CCDC186: variants seen among roughly 807,000 people sequenced by gnomAD.
CCDC186 encodes coiled-coil domain containing 186, also known as coiled-coil domain-containing protein 186.
A neutral mutation model predicts 113.7 loss-of-function variants in CCDC186; 49 were observed. The observed-to-expected ratio is 0.43, with a 90% CI of 0.34 to 0.55. CCDC186 has a LOEUF of 0.55. CCDC186 is among the 20% of genes least tolerant of loss of function. The pLI is 0.02. For synonymous variants in CCDC186, 355 were observed against 345.8 expected (o/e 1.03, Z -0.30); for missense variants, 890 against 1,011.1 (o/e 0.88, Z 1.62).
At position 114,174,184 on chromosome 10, in the gene CCDC186, G is replaced by A. The variant is rs1280167570; in HGVS notation, c.-231C>T. On this transcript the variant is annotated 5_prime_UTR_variant, in exon 1 of 16. Coordinates refer to ENST00000369287, the MANE Select transcript of CCDC186 (RefSeq NM_018017.4). ...GGCCGTTTCCCCAAACCCCTGCGGA[G>A]CTGACACATCAACAAAGATGGCGGC... 8.9e-6 allele frequency: 4 copies of A among 451,200 alleles called. No individual in the cohort carries two copies. The highest frequency in any genetic ancestry group is 3.4e-4 in the Middle Eastern group (1 of 2,920). 27.9% of individuals were successfully genotyped at this position (451,200 alleles called of 1,614,324 possible).
intron 2 of CCDC186, 29 bp downstream of exon 2, chr10:114,162,608 A>G (rs2032206467): frequency 3.4e-6 from 5 of 1,466,052 alleles, no homozygotes; most frequent in Non-Finnish European, 4.5e-6. Context: ...TGAGGGAAAA[A>G]AAATAACCTA....
At chr10:114,169,569 G>A (rs539306162) in intron 1 of CCDC186, among the ~76,000 whole-genome samples, 2 of 152,184 alleles carry the variant, frequency 1.3e-5, no homozygotes, top group South Asian at 4.1e-4. Flanking sequence ...AATACCAGTT[G>A]TACACTTCTC....
chr10:114,154,598 A>G (rs926982203), intron 3 of CCDC186, among the ~76,000 whole-genome samples: 1 of 152,188 alleles, frequency 6.6e-6, no homozygotes, highest in African/African-American at 2.4e-5. Flanking sequence ...ATTCAGTCCC[A>G]GGTGGCTACA....
intron 1 of CCDC186, among the ~76,000 whole-genome samples, chr10:114,165,526 T>C (rs899969108): frequency 7.9e-5 from 12 of 152,134 alleles, no homozygotes; most frequent in African/African-American, 2.9e-4. Context: ...ACCCTGTCTC[T>C]ACTAAAAATA....
rs1564915935 is a variant in CCDC186, at chr10:114,157,545, C to CT, written c.759+8dup. 3.8e-6 allele frequency: 6 copies of CT among 1,580,644 alleles called. No homozygotes were observed. The Admixed American group carries it at 9.9e-5, about 26-fold the overall frequency. ...AAGTATAGTCTTCGAAGATTTTTGT[C>CT]TTTTTTACCTGTTTAATTGTGTTCA... On this transcript the variant is annotated intron_variant, in intron 3 of 15. Coordinates refer to ENST00000369287, the MANE Select transcript of CCDC186 (RefSeq NM_018017.4).
chr10:114,137,102 G>T, intron 7 of CCDC186, 84 bp downstream of exon 7: 2 of 1,011,512 alleles, frequency 2.0e-6, no homozygotes, highest in Non-Finnish European at 3.0e-6. Flanking sequence ...GGGCGACAGA[G>T]CGAGACTCCA....
Position 114,157,798 on chromosome 10 carries a change from A to C in CCDC186, c.633-118T>G, listed in dbSNP as rs1229546593. ...GATATCTATAATTATTCATTATGTT[A>C]ATAAATTAACATTCCTAAATAATCA... On this transcript the variant is annotated intron_variant, in intron 2 of 15. Transcript: ENST00000369287. 7.8e-6 allele frequency: 6 copies of C among 764,840 alleles called. No individual in the cohort carries two copies. In the Admixed American group the frequency reaches 2.1e-4, roughly 27 times the overall value. The allele number at this position is 764,840 out of a possible 1,614,324, so 47.4% of individuals were successfully genotyped here.
chr10:114,149,547 G>T (rs1485981691), intron 4 of CCDC186, among the ~76,000 whole-genome samples: 6 of 109,364 alleles, frequency 5.5e-5, no homozygotes, highest in African/African-American at 2.3e-4. Context: ...GGGAAGGGAA[G>T]GGAAGGGAAG....
intron 4 of CCDC186, among the ~76,000 whole-genome samples, chr10:114,148,215 A>G (rs1376112949): frequency 6.6e-6 from 1 of 152,222 alleles, no homozygotes; most frequent in East Asian, 1.9e-4. Context: ...TCATGGGGTC[A>G]TCCATAGATC....
At position 114,144,502 on chromosome 10, in the gene CCDC186, G is replaced by A. The variant is rs1385080930; in HGVS notation, c.1216C>T (p.His406Tyr). 6.2e-7 allele frequency: 1 copy of A among 1,612,790 alleles called. No homozygotes were observed. The highest frequency in any genetic ancestry group is 8.5e-7 in the Non-Finnish European group (1 of 1,179,316). The change falls in exon 6 of 16, where the codon CAC becomes TAC. Residue 406 changes from histidine (H) to tyrosine (Y), a missense_variant. Transcript: ENST00000369287. ...CATTGTATTACAGTACGTACCTTGT[G>A]TGAATCCATTTCAGCTTTTAATTTG... ...QNKLKAEMDS[H>Y]KETKDKLKET...
intron 2 of CCDC186, among the ~76,000 whole-genome samples, chr10:114,158,995 G>A (rs1436122547): frequency 6.6e-6 from 1 of 152,156 alleles, no homozygotes; most frequent in African/African-American, 2.4e-5. Flanking sequence ...ATGTCAGCTG[G>A]TGATTAAATC....
Position 114,151,156 on chromosome 10 carries a change from T to C in CCDC186, c.824A>G (p.Gln275Arg), listed in dbSNP as rs1390592494. 1 of 1,612,328 alleles carries C rather than the reference T, an allele frequency of 6.2e-7. No homozygotes were observed. Residue 275 changes from glutamine (Q) to arginine (R), a missense_variant, in exon 4 of 16, where the codon CAA (glutamine) becomes CGA (arginine). Physicochemically the swap from Gln to Arg is conservative, Grantham distance 43 (BLOSUM62 1). Coordinates refer to ENST00000369287, the MANE Select transcript of CCDC186 (RefSeq NM_018017.4). ...VKASRDQLIA[Q>R]DVTAKNAVQQ... ...AACTGCATTTTTAGCTGTAACGTCTTGAGCTATTAGTTGATCTCTGGAAGC... is the reference window on the plus strand; with the variant it reads ...AACTGCATTTTTAGCTGTAACGTCTCGAGCTATTAGTTGATCTCTGGAAGC...
chr10:114,163,278 C>T lies in CCDC186; in HGVS notation c.-10G>A. The T allele has an allele frequency of 6.3e-7, 1 of 1,593,488 alleles. No individual in the cohort carries two copies. The highest frequency in any genetic ancestry group is 8.5e-7 in the Non-Finnish European group (1 of 1,175,244). On this transcript the variant is annotated 5_prime_UTR_variant, in exon 2 of 16. Coordinates refer to ENST00000369287, the MANE Select transcript of CCDC186 (RefSeq NM_018017.4). ...GGTCTGTCTCTGACATGCTGACTGG[C>T]ACCAATTCACTTTGTAATTCTTCAA...
chr10:114,169,729 C>A (rs554459992), intron 1 of CCDC186, among the ~76,000 whole-genome samples: 2 of 152,320 alleles, frequency 1.3e-5, no homozygotes, highest in South Asian at 2.1e-4. Flanking sequence ...AGAATAACAT[C>A]TTTCTGACTA....
intron 13 of CCDC186, among the ~76,000 whole-genome samples, chr10:114,127,883 G>C (rs182802836): frequency 6.6e-6 from 1 of 152,128 alleles, no homozygotes; most frequent in Admixed American, 6.5e-5. Flanking sequence ...TCAGGAAGTG[G>C]TAATAGAGCA....
At chr10:114,161,798 T>C (rs1274757260) in intron 2 of CCDC186, 1 of 152,162 alleles carries the variant, frequency 6.6e-6, no homozygotes, top group Admixed American at 6.5e-5. Context: ...CAGATGTCCA[T>C]TAATGGATGA....
intron 1 of CCDC186, among the ~76,000 whole-genome samples, chr10:114,169,898 CTTA>C (rs1254782123): frequency 6.6e-6 from 1 of 152,080 alleles, no homozygotes; most frequent in Non-Finnish European, 1.5e-5. Flanking sequence ...TAGCTACCTA[CTTA>C]TTTATTTATG....
intron 3 of CCDC186, among the ~76,000 whole-genome samples, chr10:114,157,050 C>A (rs2032030309): frequency 6.6e-6 from 1 of 151,998 alleles, no homozygotes; most frequent in African/African-American, 2.4e-5. Flanking sequence ...AATAAACTTA[C>A]ATAAAAGGAA....
chr10:114,169,701 G>T (rs2032438944), intron 1 of CCDC186, among the ~76,000 whole-genome samples: 1 of 152,166 alleles, frequency 6.6e-6, no homozygotes, highest in Non-Finnish European at 1.5e-5. Flanking sequence ...AAAACACCTT[G>T]AAAGCAGCAT....
Sources: allele counts gnomAD v4.1 joint callset (sites outside exome capture counted in the v4.1 genomes callset), GRCh38; gene constraint gnomAD v4.1.1; transcripts MANE v1.5; gene names NCBI Gene and HGNC (gene_info 2026-07-23, HGNC 2026-07-21).